The following CHD5 variants were observed in gnomAD, a reference collection of about 807,000 sequenced individuals.
CHD5 encodes chromodomain helicase DNA binding protein 5.
Under a neutral mutation model 230.3 loss-of-function variants are expected in CHD5, and 69 were observed. That is an observed-to-expected ratio of 0.30 (90% CI 0.25 to 0.37). The LOEUF (loss-of-function observed/expected upper bound fraction) is 0.37, where lower values mean the gene tolerates loss of function less well. CHD5 is among the 10% of genes least tolerant of loss of function. The pLI is 1.00. For missense variants in CHD5, 1,827 were observed against 2,622.8 expected (o/e 0.70, Z 6.63); for synonymous variants, 1,064 against 1,065.9 (o/e 1.00, Z 0.03).
In CHD5 at chr1:6,128,950, G is replaced by T. The variant is rs1400991028; in HGVS notation, c.3507C>A (p.Thr1169=). Residue 1169 remains threonine (T), a synonymous_variant, in exon 23 of 42, where the codon ACC becomes ACA. Transcript: ENST00000262450. This position sits in a 1 kb window ranked among gnomAD's most constrained non-coding sequence, Gnocchi z 7.8. ...CGAGGCCGGGCCGCACCACCAGGTGGGTGAGCATCATCTTGCGCTTGGCCA... is the reference window on the plus strand; with the variant it reads ...CGAGGCCGGGCCGCACCACCAGGTGTGTGAGCATCATCTTGCGCTTGGCCA... ...TQVAKRKMML[T]HLVVRPGLGS... is the part of the protein sequence containing the mutation. The T allele has an allele frequency of 2.5e-6, 4 of 1,613,206 alleles. No homozygotes were observed. The South Asian group carries it at 4.4e-5, about 18-fold the overall frequency.
intron 36 of CHD5, among the ~76,000 whole-genome samples, chr1:6,110,926 T>C (rs1223804190): frequency 6.6e-6 from 1 of 152,168 alleles, no homozygotes; most frequent in Non-Finnish European, 1.5e-5. Flanking sequence ...ACTGGGATGC[T>C]TGTAAGAAGA....
chr1:6,145,733 C>G (rs533778343), intron 11 of CHD5, among the ~76,000 whole-genome samples: 1 of 152,198 alleles, frequency 6.6e-6, no homozygotes, highest in Admixed American at 6.5e-5. Flanking sequence ...AGCTCCACCC[C>G]GTGGCTGTGT....
chr1:6,125,680 G>T lies in CHD5; in HGVS notation c.4172-68C>A. On this transcript the variant is annotated intron_variant, in intron 27 of 41. Coordinates refer to ENST00000262450, the MANE Select transcript of CHD5 (RefSeq NM_015557.3). This position sits in a 1 kb window ranked among gnomAD's most constrained non-coding sequence, Gnocchi z 6.7. ...GATTCCTGATCCCCAAGGACAGCGG[G>T]ACCCCAGACCAGCCCCGCTCCTGCT... 1 of 1,599,746 alleles carries T rather than the reference G, an allele frequency of 6.3e-7. No individual in the cohort carries two copies.
At chr1:6,175,054 AATGGTGGATGAATGGATGAGTGG>A (rs1398275142) in intron 1 of CHD5, among the ~76,000 whole-genome samples, 7 of 136,012 alleles carry the variant, frequency 5.1e-5, no homozygotes, top group Non-Finnish European at 9.5e-5. Context: ...TGGGTGGATG[AATGGTGGATGAATGGATGAGTGG>A]ATGGTGGATG....
intron 7 of CHD5, among the ~76,000 whole-genome samples, chr1:6,149,897 A>T (rs1019196302): frequency 1.3e-5 from 2 of 150,252 alleles, no homozygotes; most frequent in African/African-American, 4.9e-5. Flanking sequence ...GGATAGATGG[A>T]TGTATAGATG....
chr1:6,124,834 G>T (rs964576057), intron 29 of CHD5, among the ~76,000 whole-genome samples, 173 bp from the exon 30 acceptor site: 63 of 152,180 alleles, frequency 4.1e-4, no homozygotes, highest in African/African-American at 1.5e-3. Context: ...CTGGCGAGGG[G>T]ACCTCCTAGG....
rs150701789 is a variant in CHD5 at position 6,177,739 on chromosome 1, G to A, written c.79+2206C>T. Reference sequence around the variant, plus strand: ...GGGACCTAAATGACCAGGAGGCAGCGGTGAGCAGAGGAAAGAGCAGGTCAG... The same window carrying A: ...GGGACCTAAATGACCAGGAGGCAGCAGTGAGCAGAGGAAAGAGCAGGTCAG... On this transcript the variant is annotated intron_variant, in intron 1 of 41. Transcript: ENST00000262450. 8.7e-3 allele frequency among the ~76,000 whole-genome samples: 1,329 copies of A among 152,346 alleles called. 12 individuals carry two copies. The highest frequency in any genetic ancestry group is 0.012 in the Non-Finnish European group (820 of 68,022).
In CHD5 at chr1:6,126,643, G is replaced by A. The variant is rs1445804841; in HGVS notation, c.4007C>T (p.Ala1336Val). ...GCGCTTGCCCTTGCCCAGGTTGCGG[G>A]CCAGGTCCTCCTGCTGCTGCTCATA... Reference protein sequence around the residue: ...HHYEQQQEDLARNLGKGKRIR... With the variant: ...HHYEQQQEDLVRNLGKGKRIR... Residue 1336 changes from alanine (A) to valine (V), a missense_variant, in exon 26 of 42, where the codon GCC becomes GTC. Ala to Val is a moderately conservative substitution (Grantham distance 64). This residue lies in a region of CHD5 where 137 missense variants were observed against 272.7 expected (regional missense o/e 0.50). Transcript: ENST00000262450. The surrounding 1 kb of genome is among the most constrained non-coding windows in gnomAD (Gnocchi z 5.7). The A allele has an allele frequency of 6.2e-7, 1 of 1,613,974 alleles. No individual in the cohort carries two copies.
Position 6,134,081 on chromosome 1 carries a change from C to G in CHD5, c.3144+47G>C. 1 of 1,555,882 alleles carries G rather than the reference C, an allele frequency of 6.4e-7. No individual in the cohort carries two copies. The highest frequency in any genetic ancestry group is 8.8e-7 in the Non-Finnish European group (1 of 1,140,590). ...CCCCCAAGCATCAGGGCAGGATGCT[C>G]TCTGTGGGGTGTGGAGCCGGGGCGG... On this transcript the variant is annotated intron_variant, in intron 20 of 41. Transcript: ENST00000262450. This position sits in a 1 kb window ranked among gnomAD's most constrained non-coding sequence, Gnocchi z 6.3.
chr1:6,175,804 C>T (rs566119073), intron 1 of CHD5, among the ~76,000 whole-genome samples: 14 of 136,014 alleles, frequency 1.0e-4, no homozygotes, highest in African/African-American at 3.9e-4. Context: ...TGTGGGAGAG[C>T]AGGTAGATAC....
At chr1:6,124,955 C>T (rs1666530664) in intron 29 of CHD5, 145 bp downstream of exon 29, 1 of 886,518 alleles carries the variant, frequency 1.1e-6, no homozygotes, top group Non-Finnish European at 1.7e-6. Context: ...GGACTCTAGC[C>T]ACCCAAAGTC....
chr1:6,106,984 G>T (rs1354159365), intron 38 of CHD5, among the ~76,000 whole-genome samples: 1 of 131,176 alleles, frequency 7.6e-6, no homozygotes, highest in Non-Finnish European at 1.6e-5. Flanking sequence ...GGATGGAGGG[G>T]TGGAAGGATG....
chr1:6,166,280 G>GA (rs1244461971), intron 2 of CHD5, among the ~76,000 whole-genome samples: 1 of 147,110 alleles, frequency 6.8e-6, no homozygotes, highest in African/African-American at 2.5e-5. Flanking sequence ...TGGGGGTCGG[G>GA]GGCAGGGGCT....
chr1:6,121,332 G>T lies in CHD5; in HGVS notation c.4780-95C>A. Reference sequence around the variant, plus strand: ...GCTGGGCTGGGAACCCAGTCTCCTGGCTCCCGTCGCTTGCTCCTAGCCTGC... The same window carrying T: ...GCTGGGCTGGGAACCCAGTCTCCTGTCTCCCGTCGCTTGCTCCTAGCCTGC... On this transcript the variant is annotated intron_variant, in intron 32 of 41. Transcript: ENST00000262450. This position sits in a 1 kb window ranked among gnomAD's most constrained non-coding sequence, Gnocchi z 4.5. 1.3e-6 allele frequency: 2 copies of T among 1,534,592 alleles called. No individual in the cohort carries two copies. The highest frequency in any genetic ancestry group is 1.8e-6 in the Non-Finnish European group (2 of 1,130,588).
At chr1:6,133,794 C>G (rs967306404) in intron 20 of CHD5, among the ~76,000 whole-genome samples, 1 of 152,216 alleles carries the variant, frequency 6.6e-6, no homozygotes, top group Non-Finnish European at 1.5e-5. Flanking sequence ...AGGGGCTCCT[C>G]CCAACCACAC....
intron 1 of CHD5, among the ~76,000 whole-genome samples, chr1:6,176,606 A>C (rs948391107): frequency 4.6e-5 from 7 of 152,218 alleles, no homozygotes; most frequent in African/African-American, 1.4e-4. Flanking sequence ...TCCTTGGAGA[A>C]GGCAGGACAG....
rs1666154954 is a variant in CHD5 at position 6,105,867 on chromosome 1, A to AGCAGGACAGCAGGG, written c.*46+353_*46+366dup. 6.6e-6 allele frequency among the ~76,000 whole-genome samples: 1 copy of AGCAGGACAGCAGGG among 152,246 alleles called. No homozygotes were observed. The highest frequency in any genetic ancestry group is 2.4e-5 in the African/African-American group (1 of 41,458). The stretch of plus-strand genomic sequence containing the variant: ...AAGACAAGATGTGATGTCTGCCACC[A>AGCAGGACAGCAGGG]GCAGGACAGCAGGGGCAGGACAGGG... On this transcript the variant is annotated intron_variant, in intron 41 of 41. Transcript: ENST00000262450. This position sits in a 1 kb window ranked among gnomAD's most constrained non-coding sequence, Gnocchi z 4.8.
intron 2 of CHD5, among the ~76,000 whole-genome samples, chr1:6,165,752 C>A (rs921796290): frequency 4.6e-5 from 7 of 152,124 alleles, no homozygotes; most frequent in Non-Finnish European, 8.8e-5. Flanking sequence ...GGCGGGGCTG[C>A]AGCAGGGAAT....
chr1:6,157,485 G>A (rs1667096905), intron 3 of CHD5, among the ~76,000 whole-genome samples: 1 of 152,202 alleles, frequency 6.6e-6, no homozygotes, highest in African/African-American at 2.4e-5. Context: ...TTGCCTCTTA[G>A]TTCTCAGGGC....
Sources: allele counts gnomAD v4.1 joint callset (sites outside exome capture counted in the v4.1 genomes callset), GRCh38; gene constraint gnomAD v4.1.1; regional missense constraint gnomAD v4.1.1; non-coding constraint Gnocchi (gnomAD v3.1); transcripts MANE v1.5; gene names NCBI Gene and HGNC (gene_info 2026-07-23, HGNC 2026-07-21).